ADCY5: variants seen among roughly 807,000 people sequenced by gnomAD.
ADCY5 encodes the protein adenylate cyclase type 5.
In ADCY5, 30 loss-of-function variants were observed where a neutral mutation model predicts 119.7. The ratio of observed to expected loss-of-function variants is 0.25; its 90% confidence interval spans 0.19 to 0.34. The LOEUF (loss-of-function observed/expected upper bound fraction) is 0.34. Among genes scored for constraint, ADCY5 ranks in the 10% least tolerant of loss-of-function variants. ADCY5 has a pLI of 1.00. For synonymous variants in ADCY5, 753 were observed against 762.2 expected, an observed-to-expected ratio of 0.99 and a Z score of 0.20; for missense variants, 1,324 against 1,775.2, an observed-to-expected ratio of 0.75 and a Z score of 4.57.
At chr3:123,326,329 G>T (rs956833899) in intron 7 of ADCY5, among the ~76,000 whole-genome samples, 4 of 152,282 alleles carry the variant, frequency 2.6e-5, no homozygotes, top group African/African-American at 9.6e-5. Context: ...ATCCAAATGG[G>T]TGCAAGAGAG....
At chr3:123,319,855 C>T in intron 9 of ADCY5, 37 bp from the exon 10 acceptor site, 1 of 1,603,898 alleles carries the variant, frequency 6.2e-7, no homozygotes. Flanking sequence ...GACAGGCTGA[C>T]CACAGGGGCA....
Position 123,307,429 on chromosome 3 carries a change from C to G in ADCY5, c.2443-3246G>C, listed in dbSNP as rs1490310324. Among the ~76,000 whole-genome samples, 3 of 152,154 alleles carry G rather than the reference C, an allele frequency of 2.0e-5. No homozygotes were observed. In the East Asian group the frequency reaches 5.8e-4, roughly 29 times the overall value. On this transcript the variant is annotated intron_variant, in intron 12 of 20. Transcript: ENST00000462833. ...GATGCATTTGAAAGTGCTCTGTAAGCTGTTAAACGCAACAGAAAAGTTAGT... is the reference window on the plus strand; with the variant it reads ...GATGCATTTGAAAGTGCTCTGTAAGGTGTTAAACGCAACAGAAAAGTTAGT...
chr3:123,295,777 C>G (rs571001536), intron 17 of ADCY5, among the ~76,000 whole-genome samples: 1 of 152,308 alleles, frequency 6.6e-6, no homozygotes, highest in Admixed American at 6.5e-5. Context: ...GCAACACACA[C>G]AGTAAGTGCC....
chr3:123,421,515 G>A (rs1281704766), intron 1 of ADCY5, among the ~76,000 whole-genome samples: 3 of 152,128 alleles, frequency 2.0e-5, no homozygotes, highest in African/African-American at 7.2e-5. Flanking sequence ...CTAGTACCTG[G>A]GTGTGGTCCA....
chr3:123,314,952 A>G (rs1031503193), intron 11 of ADCY5, among the ~76,000 whole-genome samples: 1 of 152,196 alleles, frequency 6.6e-6, no homozygotes, highest in Non-Finnish European at 1.5e-5. Context: ...CAGTTCAACA[A>G]GCAAAATGCA....
At chr3:123,332,744 T>C (rs956940694) in intron 3 of ADCY5, 69 bp from the exon 4 acceptor site, 6 of 1,038,622 alleles carry the variant, frequency 5.8e-6, no homozygotes, top group Non-Finnish European at 8.8e-6. Context: ...ATTCATACAT[T>C]ACATCTTTTT....
intron 1 of ADCY5, among the ~76,000 whole-genome samples, chr3:123,441,725 C>T (rs1945725359): frequency 6.6e-6 from 1 of 152,186 alleles, no homozygotes; most frequent in Non-Finnish European, 1.5e-5. Context: ...TTTCCACTCC[C>T]CTTACAAAAC....
rs4678006 is a variant in ADCY5, at chr3:123,304,526, C to T, written c.2443-343G>A. Among the ~76,000 whole-genome samples, 2,646 of 152,082 alleles carry T rather than the reference C, an allele frequency of 0.017. 37 individuals are homozygous for T. The highest frequency in any genetic ancestry group is 0.03 in the Admixed American group (460 of 15,274). On this transcript the variant is annotated intron_variant, in intron 12 of 20. Coordinates refer to ENST00000462833, the MANE Select transcript of ADCY5 (RefSeq NM_183357.3). ...CCCGCTGTGTGCCATCAGGGAGGGG[C>T]GGTGGGTGGCAGCTGAGGAGTCGTG...
intron 14 of ADCY5, among the ~76,000 whole-genome samples, chr3:123,301,145 C>T (rs752812744): frequency 1.4e-5 from 2 of 141,836 alleles, no homozygotes; most frequent in Admixed American, 6.7e-5. Flanking sequence ...ATGCAGATGA[C>T]GTCCCTAGGC....
rs879021004 is a variant in ADCY5 at position 123,347,711 on chromosome 3, G to GGAAA, written c.1406+70_1406+71insTTTC. The stretch of plus-strand genomic sequence containing the variant: ...CCTGTCGGGCTGTGCCCACTTGAAA[G>GGAAA]GAAGTGGGATGTCTCCACAGGGGTC... On this transcript the variant is annotated intron_variant, in intron 3 of 20. Transcript: ENST00000462833. 3.9e-4 allele frequency: 615 copies of GGAAA among 1,594,130 alleles called. 3 individuals carry two copies. The South Asian group carries it at 6.5e-3, about 17-fold the overall frequency.
At chr3:123,290,564 C>T (rs1939085016) in intron 18 of ADCY5, among the ~76,000 whole-genome samples, 1 of 152,272 alleles carries the variant, frequency 6.6e-6, no homozygotes, top group Non-Finnish European at 1.5e-5. Context: ...AGTGCCTCCA[C>T]ACGCCAGGTG....
rs745682925 is a variant in ADCY5, at chr3:123,327,771, C to T, written c.1806-12G>A. On this transcript the variant is annotated splice_polypyrimidine_tract_variant and intron_variant, in intron 6 of 20. Coordinates refer to ENST00000462833, the MANE Select transcript of ADCY5 (RefSeq NM_183357.3). ...TGATGTGGATGCGTCTACAGGGGGG[C>T]AGGGATCAGGGTGGAGAGGGCAGAA... 6.2e-7 allele frequency: 1 copy of T among 1,613,692 alleles called. No individual in the cohort carries two copies. Among genetic ancestry groups the T allele is most frequent in the Non-Finnish European group, 8.5e-7 (1 of 1,179,798 alleles).
chr3:123,440,039 G>A (rs1444394295), intron 1 of ADCY5, among the ~76,000 whole-genome samples: 2 of 152,214 alleles, frequency 1.3e-5, no homozygotes, highest in East Asian at 1.9e-4. Context: ...GAGCTGCGTC[G>A]CTTCCTTCTG....
intron 14 of ADCY5, among the ~76,000 whole-genome samples, chr3:123,301,923 C>T (rs1265781710): frequency 2.7e-5 from 3 of 112,126 alleles, no homozygotes; most frequent in Non-Finnish European, 5.6e-5. Context: ...AGGGGTGGGG[C>T]GGAGCGGGGG....
chr3:123,387,181 A>G (rs1944252980), intron 1 of ADCY5, among the ~76,000 whole-genome samples: 1 of 152,240 alleles, frequency 6.6e-6, no homozygotes, highest in Non-Finnish European at 1.5e-5. Context: ...ATGTGTATAC[A>G]CAGATTTTAT....
intron 1 of ADCY5, among the ~76,000 whole-genome samples, chr3:123,382,516 A>G (rs1944064930): frequency 6.6e-6 from 1 of 152,244 alleles, no homozygotes; most frequent in Non-Finnish European, 1.5e-5. Flanking sequence ...GATGGAAACT[A>G]CCAAGGTATC....
chr3:123,396,608 G>T (rs948285808), intron 1 of ADCY5, among the ~76,000 whole-genome samples: 1 of 140,870 alleles, frequency 7.1e-6, no homozygotes, highest in South Asian at 2.4e-4. Flanking sequence ...AAGAGAGAAG[G>T]GAGGGAGGAA....
At chr3:123,343,915 T>G (rs1472955917) in intron 3 of ADCY5, among the ~76,000 whole-genome samples, 1 of 152,158 alleles carries the variant, frequency 6.6e-6, no homozygotes, top group Non-Finnish European at 1.5e-5. Flanking sequence ...GACAACTAAG[T>G]GTCTCCGGGG....
chr3:123,375,206 G>A (rs1331672778), intron 1 of ADCY5, among the ~76,000 whole-genome samples: 4 of 152,240 alleles, frequency 2.6e-5, no homozygotes, highest in Non-Finnish European at 2.9e-5. Flanking sequence ...GAAGTTCGAC[G>A]TGGAGGACTC....
Sources: allele counts gnomAD v4.1 joint callset (sites outside exome capture counted in the v4.1 genomes callset), GRCh38; gene constraint gnomAD v4.1.1; transcripts MANE v1.5; gene names NCBI Gene and HGNC (gene_info 2026-07-23, HGNC 2026-07-21).